The following XKR9 variants were observed in gnomAD, a reference collection of about 807,000 sequenced individuals.
XKR9 encodes XK related 9, also known as XK-related protein 9.
In XKR9, 32 loss-of-function variants were observed where a neutral mutation model predicts 32.0. The ratio of observed to expected loss-of-function variants is 1.00; its 90% CI spans 0.76 to 1.34. The LOEUF is 1.34. Among genes scored for constraint, XKR9 ranks in the 40% most tolerant of loss-of-function variants. The pLI, the probability that XKR9 is intolerant of heterozygous loss-of-function variation, is 0.00. For synonymous variants in XKR9, 168 were observed against 143.4 expected, an observed-to-expected ratio of 1.17 and a Z score of -1.22; for missense variants, 546 against 429.7, an observed-to-expected ratio of 1.27 and a Z score of -2.39.
chr8:70,946,471 T>C, the XKR9 span, among the ~76,000 whole-genome samples: 1 of 152,204 alleles, frequency 6.6e-6, no homozygotes, highest in South Asian at 2.1e-4. Context: ...GCGCTCTGCA[T>C]ACATATACCC....
At chr8:70,673,603 A>G (rs1457898137) in intron 1 of XKR9, among the ~76,000 whole-genome samples, 1 of 152,036 alleles carries the variant, frequency 6.6e-6, no homozygotes, top group East Asian at 1.9e-4. Context: ...TGTCTCTACT[A>G]AAAATACAAA....
At chr8:70,967,910 G>A in the XKR9 span, among the ~76,000 whole-genome samples, 2 of 152,020 alleles carry the variant, frequency 1.3e-5, no homozygotes, top group Middle Eastern at 3.2e-3. Flanking sequence ...ACGATTATGT[G>A]TCTTGGGGTT....
chr8:70,773,130 A>G (rs969037041), intron 2 of XKR9, among the ~76,000 whole-genome samples: 2 of 152,226 alleles, frequency 1.3e-5, no homozygotes, highest in Non-Finnish European at 2.9e-5. Flanking sequence ...CTGAGTGTTC[A>G]GGAAAGCCAG....
the XKR9 span, among the ~76,000 whole-genome samples, chr8:70,878,168 A>G: frequency 6.8e-4 from 104 of 152,212 alleles, no homozygotes; most frequent in Non-Finnish European, 8.5e-4. Flanking sequence ...AGCACTAAAC[A>G]TGGAAACAAC....
chr8:71,035,126 T>C, the XKR9 span, among the ~76,000 whole-genome samples: 7,739 of 152,296 alleles, frequency 0.051, 831 homozygotes, highest in East Asian at 0.27. Flanking sequence ...GGTTTTGATA[T>C]GAATATATTG....
chr8:70,785,709 C>CT (rs1250573413), intron 2 of XKR9, among the ~76,000 whole-genome samples: 1 of 126,248 alleles, frequency 7.9e-6, no homozygotes, highest in Non-Finnish European at 1.7e-5. Context: ...GTTGTATTTA[C>CT]TTTTTTTTGC....
the XKR9 span, among the ~76,000 whole-genome samples, chr8:70,834,080 T>G: frequency 2.0e-4 from 16 of 80,012 alleles, no homozygotes. Flanking sequence ...TCTCCCAAAC[T>G]CTCTTGCTTC....
the XKR9 span, among the ~76,000 whole-genome samples, chr8:70,812,130 G>T: frequency 6.6e-6 from 1 of 152,206 alleles, no homozygotes; most frequent in Non-Finnish European, 1.5e-5. Flanking sequence ...TGCAAGGCTA[G>T]TTCAACATAC....
intron 4 of XKR9, among the ~76,000 whole-genome samples, chr8:70,722,330 C>T (rs1043436599): frequency 7.2e-5 from 11 of 151,956 alleles, no homozygotes; most frequent in African/African-American, 2.7e-4. Flanking sequence ...TGAATTTGAT[C>T]CTGTCATCAT....
At chr8:70,744,193 C>A (rs1274499183) in intron 2 of XKR9, among the ~76,000 whole-genome samples, 1 of 151,868 alleles carries the variant, frequency 6.6e-6, no homozygotes, top group East Asian at 1.9e-4. Context: ...CGCCTCTAAT[C>A]CCAGCTACTT....
At chr8:70,679,296 G>T (rs1818990085) in intron 2 of XKR9, among the ~76,000 whole-genome samples, 1 of 152,156 alleles carries the variant, frequency 6.6e-6, no homozygotes, top group Non-Finnish European at 1.5e-5. Flanking sequence ...AGTTAGCAAG[G>T]TAATAATGAT....
chr8:71,054,642 CTGTT>C, the XKR9 span, among the ~76,000 whole-genome samples: 1 of 152,152 alleles, frequency 6.6e-6, no homozygotes, highest in Non-Finnish European at 1.5e-5. Flanking sequence ...TGCTGCTGCT[CTGTT>C]TGTAAGGTCC....
chr8:70,821,111 G>C, the XKR9 span, among the ~76,000 whole-genome samples: 3 of 152,178 alleles, frequency 2.0e-5, no homozygotes. Context: ...GATACAATGA[G>C]GATACAGGCA....
chr8:71,055,951 T>A, the XKR9 span, among the ~76,000 whole-genome samples: 4 of 152,210 alleles, frequency 2.6e-5, no homozygotes, highest in Non-Finnish European at 4.4e-5. Context: ...AATTCTAATA[T>A]ACAAATATGA....
At chr8:70,960,447 A>G in the XKR9 span, among the ~76,000 whole-genome samples, 1 of 152,158 alleles carries the variant, frequency 6.6e-6, no homozygotes, top group Non-Finnish European at 1.5e-5. Flanking sequence ...GCATCCACAG[A>G]TAGATAGGTG....
Position 70,723,957 on chromosome 8 carries a change from T to C in XKR9, c.494-9839T>C, listed in dbSNP as rs574433109. ...CGGGAGTGCAGTGGCGGTGGGAACG[T>C]TTTTAAGTCCGCTGAAACTGCACCC... On this transcript the variant is annotated intron_variant, in intron 4 of 4. Transcript: ENST00000408926. 5.0e-4 allele frequency among the ~76,000 whole-genome samples: 73 copies of C among 147,010 alleles called. 3 individuals are homozygous for C. In the East Asian group the frequency reaches 0.014, roughly 28 times the overall value.
chr8:71,027,244 T>G, the XKR9 span, among the ~76,000 whole-genome samples: 2 of 151,810 alleles, frequency 1.3e-5, no homozygotes, highest in Non-Finnish European at 2.9e-5. Context: ...TTAGTCATTA[T>G]CATTCTTTAT....
At chr8:70,833,532 T>C in the XKR9 span, among the ~76,000 whole-genome samples, 1 of 152,240 alleles carries the variant, frequency 6.6e-6, no homozygotes, top group East Asian at 1.9e-4. Flanking sequence ...ATGTAAGAAA[T>C]GTGATGTGCC....
At chr8:70,974,545 G>A in the XKR9 span, among the ~76,000 whole-genome samples, 446 of 152,166 alleles carry the variant, frequency 2.9e-3, 2 homozygotes, top group African/African-American at 0.01. Flanking sequence ...TGCCAGCTTC[G>A]TCCATGTCCC....
Sources: allele counts gnomAD v4.1 joint callset (sites outside exome capture counted in the v4.1 genomes callset), GRCh38; gene constraint gnomAD v4.1.1; transcripts MANE v1.5; gene names NCBI Gene and HGNC (gene_info 2026-07-23, HGNC 2026-07-21).